Variants in MNDA observed in about 807,000 individuals in gnomAD.
The protein encoded by MNDA is epididymis secretory sperm binding protein.
MNDA carries 43 observed loss-of-function variants against 37.8 expected under a neutral mutation model. The ratio of observed to expected loss-of-function variants is 1.14; its 90% CI spans 0.89 to 1.47. The LOEUF is 1.47. Ranked by LOEUF, MNDA falls within the 40% of genes most tolerant of loss-of-function variation. The pLI, the probability that MNDA is intolerant of heterozygous loss-of-function variation, is 0.00. For missense variants in MNDA, 536 were observed against 476.0 expected (o/e 1.13, Z -1.17); for synonymous variants, 181 against 169.0 (o/e 1.07, Z -0.55).
intron 5 of MNDA, among the ~76,000 whole-genome samples, chr1:158,846,463 A>G (rs1291233860): frequency 6.6e-6 from 1 of 152,234 alleles, no homozygotes; most frequent in Non-Finnish European, 1.5e-5. Flanking sequence ...ATGCAAATAC[A>G]TTCAACAGCT....
intron 1 of MNDA, among the ~76,000 whole-genome samples, chr1:158,832,516 T>C (rs1009021501): frequency 6.6e-6 from 1 of 151,660 alleles, no homozygotes; most frequent in African/African-American, 2.4e-5. Flanking sequence ...AGAATATGTA[T>C]ATCTAAGTAT....
intron 4 of MNDA, among the ~76,000 whole-genome samples, chr1:158,844,795 TGGTGGG>T (rs368865735): frequency 0.16 from 24,502 of 151,994 alleles, 2,302 homozygotes; most frequent in Admixed American, 0.26. Context: ...TTGAGGCTTC[TGGTGGG>T]CATGGTTCTT....
At chr1:158,843,208 A>G in intron 2 of MNDA, 71 bp from the exon 3 acceptor site, 1 of 1,510,378 alleles carries the variant, frequency 6.6e-7, no homozygotes. Context: ...TAATATTGAA[A>G]CTGCCTCAGC....
chr1:158,845,898 G>A lies in MNDA; in HGVS notation c.882G>A (p.Glu294=). The stretch of plus-strand genomic sequence containing the variant: ...TGTCTGACTTTAATCAAAATTTTGA[G>A]GTCCCAAACAGAATTATCGAAATAG... ...SSVSDFNQNF[E]VPNRIIEIAN... is the part of the protein sequence containing the mutation. The change falls in exon 5 of 7, where the codon GAG becomes GAA. Residue 294 remains glutamate (E), a synonymous_variant. Transcript: ENST00000368141. 6.2e-7 allele frequency: 1 copy of A among 1,614,126 alleles called. No homozygotes were observed. The highest frequency in any genetic ancestry group is 8.5e-7 in the Non-Finnish European group (1 of 1,180,006).
At chr1:158,843,696 G>C (rs1386394340) in intron 3 of MNDA, among the ~76,000 whole-genome samples, 2 of 152,116 alleles carry the variant, frequency 1.3e-5, no homozygotes, top group African/African-American at 2.4e-5. Flanking sequence ...TCCAAGTCCA[G>C]TGCTCTTCTC....
chr1:158,840,232 C>T (rs1659003298), intron 1 of MNDA, among the ~76,000 whole-genome samples: 1 of 152,132 alleles, frequency 6.6e-6, no homozygotes, highest in Non-Finnish European at 1.5e-5. Context: ...AAAATAGCCA[C>T]TGTATTAGTT....
chr1:158,848,202 C>T (rs1351389002), intron 6 of MNDA, among the ~76,000 whole-genome samples: 2 of 152,132 alleles, frequency 1.3e-5, no homozygotes, highest in Non-Finnish European at 2.9e-5. Context: ...TAAGACAGAT[C>T]TGATTTGAAT....
chr1:158,842,440 A>G (rs771226934), intron 2 of MNDA, 22 bp downstream of exon 2: 1 of 1,592,640 alleles, frequency 6.3e-7, no homozygotes, highest in Non-Finnish European at 8.5e-7. Context: ...AACCTTGCAC[A>G]TAGCTACTCT....
In MNDA at chr1:158,847,905, A is replaced by G. The variant is rs760144235; in HGVS notation, c.1165A>G (p.Ser389Gly). 1 of 1,613,638 alleles carries G rather than the reference A, an allele frequency of 6.2e-7. No individual in the cohort carries two copies. The highest frequency in any genetic ancestry group is 2.2e-5 in the East Asian group (1 of 44,868). The change falls in exon 6 of 7, where the codon AGC becomes GGC. Residue 389 changes from serine to glycine, a missense_variant. Transcript: ENST00000368141. The part of the protein sequence containing the change: ...RKLKLVCGSH[S>G]FIKVIKAKKN... ...GCTGAAACTGGTGTGTGGAAGTCAC[A>G]GCTTCATCAAGGTGGGAACTGGATA...
intron 1 of MNDA, among the ~76,000 whole-genome samples, chr1:158,834,209 T>C (rs1658862050): frequency 6.6e-6 from 1 of 151,950 alleles, no homozygotes; most frequent in Non-Finnish European, 1.5e-5. Flanking sequence ...TTTGAAGAAA[T>C]GTCTATTCAA....
chr1:158,842,946 A>G (rs1304746268), intron 2 of MNDA, among the ~76,000 whole-genome samples: 2 of 152,206 alleles, frequency 1.3e-5, no homozygotes, highest in Non-Finnish European at 2.9e-5. Context: ...GCCTGTCAGC[A>G]TCATGAAAGC....
chr1:158,841,998 G>A, intron 1 of MNDA, 136 bp from the exon 2 acceptor site: 1 of 659,014 alleles, frequency 1.5e-6, no homozygotes, highest in Admixed American at 2.9e-5. Context: ...TGACATATCT[G>A]GTAACTTAGT....
In MNDA at chr1:158,849,221, C is replaced by T. The variant is rs147701010; in HGVS notation, c.1208C>T (p.Pro403Leu). 7.4e-4 allele frequency: 1,197 copies of T among 1,611,598 alleles called. 8 individuals carry two copies. The highest frequency in any genetic ancestry group is 5.0e-4 in the Middle Eastern group (3 of 6,044). ...AAGGCCAAGAAAAACAAGGAAGGAC[C>T]AATGAATGTTAATTGAAATATGAAA... is the stretch of plus-strand genomic sequence containing the variant. ...VIKAKKNKEG[P>L]MNVN The change falls in exon 7 of 7, where the codon CCA (proline) becomes CTA (leucine). Residue 403 changes from proline to leucine, a missense_variant. By Grantham distance (98) the Pro-to-Leu change is moderately conservative (BLOSUM62 -3). Coordinates refer to ENST00000368141, the MANE Select transcript of MNDA (RefSeq NM_002432.3).
intron 1 of MNDA, among the ~76,000 whole-genome samples, chr1:158,834,264 G>A (rs1658864772): frequency 8.3e-6 from 1 of 121,036 alleles, no homozygotes; most frequent in Non-Finnish European, 1.7e-5. Context: ...ACGGAGTTTC[G>A]CCCTGTCGCC....
chr1:158,843,563 C>T (rs548992387), intron 3 of MNDA, 148 bp downstream of exon 3: 47 of 878,308 alleles, frequency 5.4e-5, no homozygotes, highest in Middle Eastern at 2.9e-4. Context: ...AGTTAGGTAT[C>T]GTAAAAATGT....
At chr1:158,843,513 C>A in intron 3 of MNDA, 98 bp downstream of exon 3, 2 of 1,234,098 alleles carry the variant, frequency 1.6e-6, no homozygotes, top group Non-Finnish European at 2.2e-6. Context: ...CTTAGATTTA[C>A]CAAATTAGTA....
intron 1 of MNDA, 24 bp from the exon 2 acceptor site, chr1:158,842,110 T>C (rs1490768241): frequency 6.4e-7 from 1 of 1,553,044 alleles, no homozygotes; most frequent in Non-Finnish European, 8.7e-7. Flanking sequence ...ATGTGTAATG[T>C]TGTGTGTCAT....
rs775531662 is a variant in MNDA at position 158,844,022 on chromosome 1, A to C, written c.470A>C (p.Lys157Thr). The C allele has an allele frequency of 6.2e-7, 1 of 1,613,892 alleles. No homozygotes were observed. Among genetic ancestry groups the C allele is most frequent in the South Asian group, 1.1e-5 (1 of 91,044 alleles). Residue 157 changes from lysine (K) to threonine (T), a missense_variant, in exon 4 of 7, where the codon AAG (lysine) becomes ACG (threonine). Physicochemically the swap from Lys to Thr is moderately conservative, Grantham distance 78. Coordinates refer to ENST00000368141, the MANE Select transcript of MNDA (RefSeq NM_002432.3). ...KRNKVSQEQSKPPGPSGASTS... is the reference protein window; with the variant it reads ...KRNKVSQEQSTPPGPSGASTS... ...AATAAGGTGTCCCAAGAGCAGAGTA[A>C]GCCCCCAGGTCCCTCAGGAGCCAGC...
chr1:158,841,423 AAGACT>A (rs1410394369), intron 1 of MNDA, among the ~76,000 whole-genome samples: 1 of 152,242 alleles, frequency 6.6e-6, no homozygotes, highest in African/African-American at 2.4e-5. Flanking sequence ...TAGTAAAAGT[AAGACT>A]AGTTGGAGGT....
Sources: gnomAD v4.1 joint callset for allele counts (sites outside exome capture counted in the v4.1 genomes callset) on GRCh38, gnomAD v4.1.1 for gene constraint, MANE v1.5 for transcripts, NCBI Gene and HGNC (gene_info 2026-07-23, HGNC 2026-07-21) for gene names.